PCDHGA2: variants seen among roughly 807,000 people sequenced by gnomAD.
PCDHGA2 encodes protocadherin gamma-A2.
A neutral mutation model predicts 59.2 loss-of-function variants in PCDHGA2; 40 were observed. That is an observed-to-expected ratio of 0.68 (90% CI 0.52 to 0.88). The LOEUF (loss-of-function observed/expected upper bound fraction) is 0.88, where lower values mean the gene tolerates loss of function less well. Among genes scored for constraint, PCDHGA2 ranks in the 40% least tolerant of loss-of-function variants. The pLI is 0.00. For synonymous variants in PCDHGA2, 560 were observed against 526.0 expected (o/e 1.06, Z -0.89); for missense variants, 1,226 against 1,204.0 (o/e 1.02, Z -0.27).
chr5:141,368,929 T>G (rs1183733565), intron 1 of PCDHGA2, among the ~76,000 whole-genome samples: 1 of 152,228 alleles, frequency 6.6e-6, no homozygotes, highest in South Asian at 2.1e-4. Flanking sequence ...AGTGTCTGTC[T>G]AGAATTCTGG....
intron 1 of PCDHGA2, chr5:141,378,655 G>A (rs963845635): frequency 2.6e-5 from 4 of 152,084 alleles, no homozygotes; most frequent in Admixed American, 6.5e-5. Context: ...ATGTTAATGA[G>A]GTTCAAATAA....
intron 1 of PCDHGA2, among the ~76,000 whole-genome samples, chr5:141,433,395 CTATCTA>C (rs1561869588): frequency 2.0e-5 from 3 of 150,654 alleles, no homozygotes; most frequent in African/African-American, 7.3e-5. Flanking sequence ...ATCTATCTAT[CTATCTA>C]TCTATTACTT....
chr5:141,421,409 C>T, intron 1 of PCDHGA2: 1 of 1,614,026 alleles, frequency 6.2e-7, no homozygotes, highest in Non-Finnish European at 8.5e-7. Context: ...CGGGAGCTGG[C>T]GAAGCGCGGA....
intron 1 of PCDHGA2, among the ~76,000 whole-genome samples, chr5:141,472,001 G>A (rs992798148): frequency 1.1e-4 from 17 of 152,022 alleles, no homozygotes; most frequent in East Asian, 3.9e-4. Context: ...TCCCTGCATC[G>A]TATAGGGGCA....
chr5:141,376,273 T>C (rs765392169), intron 1 of PCDHGA2: 25 of 1,613,968 alleles, frequency 1.5e-5, no homozygotes, highest in Non-Finnish European at 1.9e-5. Context: ...CTTCGGGAGG[T>C]GGCTTAGCGA....
In PCDHGA2 at chr5:141,511,335, A is replaced by T; in HGVS notation, c.*162A>T. 7.0e-7 allele frequency: 1 copy of T among 1,438,820 alleles called. No homozygotes were observed. The highest frequency in any genetic ancestry group is 9.2e-7 in the Non-Finnish European group (1 of 1,083,596). The allele number at this position is 1,438,820 out of a possible 1,614,324, so 89.1% of individuals were successfully genotyped here. A position where few individuals can be genotyped will look rare whatever the true frequency, so the allele number is the denominator to read the frequency against. On this transcript the variant is annotated 3_prime_UTR_variant, in exon 4 of 4. Coordinates refer to ENST00000394576, the MANE Select transcript of PCDHGA2 (RefSeq NM_018915.4). ...AAACAGAAACAAGTGCCCAGTCAGC[A>T]CCTACCCCTTCCCCCCCAGGGGGTT...
chr5:141,370,319 C>T (rs1357424627), intron 1 of PCDHGA2: 1 of 1,336,732 alleles, frequency 7.5e-7, no homozygotes, highest in Non-Finnish European at 1.0e-6. Context: ...ATAGTTGGTC[C>T]TGCTCGGAGA....
intron 1 of PCDHGA2, chr5:141,366,238 C>T (rs376279746): frequency 6.2e-7 from 1 of 1,613,786 alleles, no homozygotes; most frequent in South Asian, 1.1e-5. Flanking sequence ...TGGACAGAGA[C>T]GCGCTCAAGC....
At chr5:141,390,025 G>A (rs762363185) in intron 1 of PCDHGA2, 2 of 1,613,882 alleles carry the variant, frequency 1.2e-6, no homozygotes, top group African/African-American at 1.3e-5. Flanking sequence ...TTGCGCCTGC[G>A]ACGCTCCTCC....
chr5:141,355,125 C>T (rs1759721268), intron 1 of PCDHGA2: 3 of 1,516,258 alleles, frequency 2.0e-6, no homozygotes, highest in African/African-American at 1.4e-5. Flanking sequence ...TTATTTTGGA[C>T]CCAGAAGATC....
chr5:141,398,752 C>G lies in PCDHGA2; in HGVS notation c.2424+57357C>G, dbSNP rs1196162576. On this transcript the variant is annotated intron_variant, in intron 1 of 3. Coordinates refer to ENST00000394576, the MANE Select transcript of PCDHGA2 (RefSeq NM_018915.4). ...AGACCGGGAACAACAGAGTTACCAT[C>G]GTTTAGTCCTGACTGCCTTGGACGG... is the stretch of plus-strand genomic sequence containing the variant. The G allele has an allele frequency of 7.4e-6, 12 of 1,613,482 alleles. No homozygotes were observed. In the South Asian group the frequency reaches 1.2e-4, roughly 16 times the overall value.
At chr5:141,350,787 C>G in intron 1 of PCDHGA2, 3 of 1,613,992 alleles carry the variant, frequency 1.9e-6, no homozygotes, top group East Asian at 2.2e-5. Context: ...CAATACTTCT[C>G]TCTGTCAACG....
Position 141,489,160 on chromosome 5 carries a change from C to A in PCDHGA2, c.2425-5647C>A. 1 of 1,029,962 alleles carries A rather than the reference C, an allele frequency of 9.7e-7. No individual in the cohort carries two copies. The highest frequency in any genetic ancestry group is 1.4e-6 in the Non-Finnish European group (1 of 701,366). 63.8% of individuals were successfully genotyped at this position (1,029,962 alleles called of 1,614,324 possible). ...GGCTGGAAGGAGACATAAGAGACTT[C>A]AGCTGCTGCATTCCAAGCCCTGGGT... On this transcript the variant is annotated intron_variant, in intron 1 of 3. Coordinates refer to ENST00000394576, the MANE Select transcript of PCDHGA2 (RefSeq NM_018915.4). The surrounding 1 kb of genome is among the most constrained non-coding windows in gnomAD (Gnocchi z 4.5).
rs778052844 is a variant in PCDHGA2, at chr5:141,486,259, T to C, written c.2425-8548T>C. ...CAGAGCTTGGAACCCTCCCCGAGAG[T>C]GCAGAACCTGGCACTGTGGTGGCAC... is the stretch of plus-strand genomic sequence containing the variant. On this transcript the variant is annotated intron_variant, in intron 1 of 3. Coordinates refer to ENST00000394576, the MANE Select transcript of PCDHGA2 (RefSeq NM_018915.4). This position sits in a 1 kb window ranked among gnomAD's most constrained non-coding sequence, Gnocchi z 5.0. 1 of 1,613,204 alleles carries C rather than the reference T, an allele frequency of 6.2e-7. No individual in the cohort carries two copies. The highest frequency in any genetic ancestry group is 8.5e-7 in the Non-Finnish European group (1 of 1,179,716).
chr5:141,403,787 T>A (rs1213408515), intron 1 of PCDHGA2: 3 of 1,613,818 alleles, frequency 1.9e-6, no homozygotes, highest in Non-Finnish European at 2.5e-6. Flanking sequence ...AAAAGTGGCA[T>A]ACAAATTCTG....
At chr5:141,351,936 T>C in intron 1 of PCDHGA2, 1 of 1,613,244 alleles carries the variant, frequency 6.2e-7, no homozygotes, top group Non-Finnish European at 8.5e-7. Flanking sequence ...CCACGGGTGC[T>C]GTACCCCGCG....
chr5:141,358,988 G>A (rs1053429010), intron 1 of PCDHGA2, among the ~76,000 whole-genome samples: 1 of 152,196 alleles, frequency 6.6e-6, no homozygotes, highest in African/African-American at 2.4e-5. Context: ...ATTCATGAAT[G>A]CATATGCTTA....
intron 1 of PCDHGA2, among the ~76,000 whole-genome samples, chr5:141,435,375 A>G (rs80179854): frequency 0.034 from 5,131 of 152,264 alleles, 102 homozygotes; most frequent in Middle Eastern, 0.088. Flanking sequence ...TTAAATATAC[A>G]ATATACCGTA....
rs543038539 is a variant in PCDHGA2 at position 141,415,850 on chromosome 5, C to A, written c.2424+74455C>A. 7.3e-6 allele frequency: 9 copies of A among 1,230,004 alleles called. No homozygotes were observed. In the East Asian group the frequency reaches 2.6e-4, roughly 35 times the overall value. The allele number at this position is 1,230,004 out of a possible 1,614,324, so 76.2% of individuals were successfully genotyped here. ...TTTGTTATGATTAGCTTTGCAGAAC[C>A]TTGTAGTTTATAGTGTTGTTGAGTA... On this transcript the variant is annotated intron_variant, in intron 1 of 3. Coordinates refer to ENST00000394576, the MANE Select transcript of PCDHGA2 (RefSeq NM_018915.4).
Sources: gnomAD v4.1 joint callset for allele counts (sites outside exome capture counted in the v4.1 genomes callset) on GRCh38, gnomAD v4.1.1 for gene constraint, Gnocchi (gnomAD v3.1) non-coding constraint, MANE v1.5 for transcripts, NCBI Gene and HGNC (gene_info 2026-07-23, HGNC 2026-07-21) for gene names.